SLAIN1: variants seen among roughly 807,000 people sequenced by gnomAD.
SLAIN1 encodes the protein SLAIN family member 1.
SLAIN1 carries 17 observed loss-of-function variants against 55.4 expected under a neutral mutation model. The observed-to-expected ratio is 0.31, with a 90% CI of 0.21 to 0.46. SLAIN1 has a LOEUF of 0.46. SLAIN1 is among the 20% of genes least tolerant of loss of function. The pLI is 1.00. For missense variants in SLAIN1, 682 were observed against 785.1 expected (o/e 0.87, Z 1.57); for synonymous variants, 348 against 337.4 (o/e 1.03, Z -0.35).
At chr13:77,761,543 A>C (rs888237387) in intron 6 of SLAIN1, among the ~76,000 whole-genome samples, 1 of 152,196 alleles carries the variant, frequency 6.6e-6, no homozygotes, top group Non-Finnish European at 1.5e-5. Context: ...AACTATGCCC[A>C]ATACAGGTAG....
In SLAIN1 at chr13:77,707,878, C is replaced by T. The variant is rs190239539; in HGVS notation, c.626+9339C>T. On this transcript the variant is annotated intron_variant, in intron 1 of 6. Transcript: ENST00000418532. Reference sequence around the variant, plus strand: ...GGGCTTCTCTGGATCAGCTTATTCACATAGCAAAGTCTCTGATCTCAGGTT... The same window carrying T: ...GGGCTTCTCTGGATCAGCTTATTCATATAGCAAAGTCTCTGATCTCAGGTT... Among the ~76,000 whole-genome samples the T allele has an allele frequency of 1.3e-3, 197 of 152,292 alleles. 2 individuals are homozygous for T. The Middle Eastern group carries it at 0.02, about 16-fold the overall frequency.
intron 4 of SLAIN1, among the ~76,000 whole-genome samples, chr13:77,747,231 C>T (rs939206024): frequency 2.0e-5 from 3 of 151,962 alleles, no homozygotes; most frequent in Non-Finnish European, 4.4e-5. Context: ...CCACCATACC[C>T]GGCCAAGAAA....
At chr13:77,714,068 C>T (rs1010979827) in intron 1 of SLAIN1, among the ~76,000 whole-genome samples, 3 of 151,982 alleles carry the variant, frequency 2.0e-5, no homozygotes, top group Admixed American at 6.6e-5. Flanking sequence ...AAATGCCTAA[C>T]GTAGATGACA....
intron 2 of SLAIN1, among the ~76,000 whole-genome samples, chr13:77,737,674 C>T (rs1873189743): frequency 6.6e-6 from 1 of 152,090 alleles, no homozygotes; most frequent in South Asian, 2.1e-4. Flanking sequence ...ATAAGCTCCT[C>T]AACCTTCAAG....
At position 77,763,249 on chromosome 13, in the gene SLAIN1, G is replaced by T. The variant is rs761085752; in HGVS notation, c.*29G>T. The T allele has an allele frequency of 4.4e-6, 7 of 1,579,928 alleles. No individual in the cohort carries two copies. The Admixed American group carries it at 1.2e-4, about 27-fold the overall frequency. Reference sequence around the variant, plus strand: ...AGTTTTATGTACCCTTGAAAAATGGGAAAGAAGTAAAAATGAGGGTTGTGT... The same window carrying T: ...AGTTTTATGTACCCTTGAAAAATGGTAAAGAAGTAAAAATGAGGGTTGTGT... On this transcript the variant is annotated 3_prime_UTR_variant, in exon 7 of 7. Coordinates refer to ENST00000418532, the MANE Select transcript of SLAIN1 (RefSeq NM_001242868.2).
chr13:77,715,660 G>A (rs571431926), intron 1 of SLAIN1, among the ~76,000 whole-genome samples: 1 of 152,210 alleles, frequency 6.6e-6, no homozygotes, highest in Admixed American at 6.5e-5. Context: ...TCTCATTGTG[G>A]TTTTAGCTAT....
intron 2 of SLAIN1, among the ~76,000 whole-genome samples, chr13:77,733,679 T>C (rs1872980938): frequency 6.6e-6 from 1 of 152,176 alleles, no homozygotes; most frequent in Non-Finnish European, 1.5e-5. Context: ...ACCCTTCTTA[T>C]GTAAATACAC....
At position 77,746,860 on chromosome 13, in the gene SLAIN1, G is replaced by A; in HGVS notation, c.1258+5G>A. 1 of 1,591,808 alleles carries A rather than the reference G, an allele frequency of 6.3e-7. No individual in the cohort carries two copies. The highest frequency in any genetic ancestry group is 8.6e-7 in the Non-Finnish European group (1 of 1,166,920). ...AACCAAATAGGACCAATGGAGGTAG[G>A]TTGTATGCTTTTTTGGTATTTGATA... On this transcript the variant is annotated splice_donor_5th_base_variant and intron_variant, in intron 4 of 6. Transcript: ENST00000418532.
At chr13:77,757,432 CT>C (rs879582878) in intron 5 of SLAIN1, among the ~76,000 whole-genome samples, 238 of 145,862 alleles carry the variant, frequency 1.6e-3, no homozygotes, top group Non-Finnish European at 1.9e-3. Flanking sequence ...ATCAACATTT[CT>C]TTTTTTTTTT....
chr13:77,713,628 C>T (rs1223937213), intron 1 of SLAIN1, among the ~76,000 whole-genome samples: 9 of 152,146 alleles, frequency 5.9e-5, no homozygotes, highest in Admixed American at 5.9e-4. Context: ...CCTCAAGGAT[C>T]TAGAACCAGA....
In SLAIN1 at chr13:77,697,938, G is replaced by A; in HGVS notation, c.25G>A (p.Ala9Thr). 1 of 1,425,364 alleles carries A rather than the reference G, an allele frequency of 7.0e-7. No individual in the cohort carries two copies. The highest frequency in any genetic ancestry group is 1.3e-5 in the South Asian group (1 of 75,894). The allele number at this position is 1,425,364 out of a possible 1,614,324, so 88.3% of individuals were successfully genotyped here. A position where few individuals can be genotyped will look rare whatever the true frequency, so the allele number is the denominator to read the frequency against. Residue 9 changes from alanine (A) to threonine (T), a missense_variant, in exon 1 of 7, where the codon GCC becomes ACC. Transcript: ENST00000418532. MMAEQVKCASAGVSSGAGS... is the reference protein window; with the variant it reads MMAEQVKCTSAGVSSGAGS... ...GATGATGGCGGAGCAGGTGAAATGC[G>A]CCTCGGCAGGGGTCAGCTCTGGAGC...
At chr13:77,751,172 G>A (rs1046570995) in intron 4 of SLAIN1, among the ~76,000 whole-genome samples, 2 of 152,030 alleles carry the variant, frequency 1.3e-5, no homozygotes, top group Non-Finnish European at 2.9e-5. Flanking sequence ...TCTGATATGT[G>A]CACTTTAGTG....
intron 2 of SLAIN1, chr13:77,741,034 T>C (rs761831105): frequency 5.1e-6 from 2 of 393,706 alleles, no homozygotes; most frequent in Non-Finnish European, 6.9e-6. Context: ...CTTGCTGTCA[T>C]AGCCACAATA....
At chr13:77,715,598 T>C (rs994979170) in intron 1 of SLAIN1, among the ~76,000 whole-genome samples, 7 of 152,180 alleles carry the variant, frequency 4.6e-5, no homozygotes, top group East Asian at 1.9e-4. Flanking sequence ...TCTTAACACT[T>C]GCTATGGGTA....
chr13:77,763,294 C>T lies in SLAIN1; in HGVS notation c.*74C>T. On this transcript the variant is annotated 3_prime_UTR_variant, in exon 7 of 7. Transcript: ENST00000418532. ...TTGTGTTACCTAGCTGGCTGGGTAGCAGTGGATGTTGGGATATTCTTTCCC... is the reference window on the plus strand; with the variant it reads ...TTGTGTTACCTAGCTGGCTGGGTAGTAGTGGATGTTGGGATATTCTTTCCC... The T allele has an allele frequency of 8.7e-7, 1 of 1,155,562 alleles. No homozygotes were observed. Among genetic ancestry groups the T allele is most frequent in the Non-Finnish European group, 1.3e-6 (1 of 771,112 alleles). 71.6% of individuals were successfully genotyped at this position (1,155,562 alleles called of 1,614,324 possible).
In SLAIN1 at chr13:77,698,580, G is replaced by A. The variant is rs1447473397; in HGVS notation, c.626+41G>A. Reference sequence around the variant, plus strand: ...GCTCCTTCCCCGAGACCCTGGCCTCGGGGGCTTCGGGCACCGGGGAGCGGG... The same window carrying A: ...GCTCCTTCCCCGAGACCCTGGCCTCAGGGGCTTCGGGCACCGGGGAGCGGG... On this transcript the variant is annotated intron_variant, in intron 1 of 6. Transcript: ENST00000418532. This position sits in a 1 kb window ranked among gnomAD's most constrained non-coding sequence, Gnocchi z 4.1. 2.9e-6 allele frequency: 4 copies of A among 1,362,886 alleles called. No individual in the cohort carries two copies. The highest frequency in any genetic ancestry group is 3.0e-5 in the African/African-American group (2 of 65,954). The allele number at this position is 1,362,886 out of a possible 1,614,324, so 84.4% of individuals were successfully genotyped here.
Position 77,697,989 on chromosome 13 carries a change from G to A in SLAIN1, c.76G>A (p.Glu26Lys). The change falls in exon 1 of 7, where the codon GAG becomes AAG. Residue 26 changes from glutamate to lysine, a missense_variant. Glu to Lys is a moderately conservative substitution (Grantham distance 56). Coordinates refer to ENST00000418532, the MANE Select transcript of SLAIN1 (RefSeq NM_001242868.2). ...GGGCTCCGGGCCGGTGGTGAACGCG[G>A]AGCTGGAGGTGAAGAAGCTGCAGGA... ...GAGSGPVVNA[E>K]LEVKKLQELV... 6.9e-7 allele frequency: 1 copy of A among 1,444,552 alleles called. No individual in the cohort carries two copies. Among genetic ancestry groups the A allele is most frequent in the Non-Finnish European group, 9.2e-7 (1 of 1,089,390 alleles). The allele number at this position is 1,444,552 out of a possible 1,614,324, so 89.5% of individuals were successfully genotyped here.
At position 77,757,536 on chromosome 13, in the gene SLAIN1, C is replaced by T. The variant is rs552380607; in HGVS notation, c.1415-3292C>T. 9.2e-5 allele frequency among the ~76,000 whole-genome samples: 14 copies of T among 151,764 alleles called. No homozygotes were observed. In the South Asian group the frequency reaches 1.5e-3, roughly 16 times the overall value. On this transcript the variant is annotated intron_variant, in intron 5 of 6. Coordinates refer to ENST00000418532, the MANE Select transcript of SLAIN1 (RefSeq NM_001242868.2). ...TCTGAGATTTTGGTGCACCTGTTAC[C>T]GAAGCAGTGTACACTGTACCCAATA...
At chr13:77,707,078 C>T (rs78044114) in intron 1 of SLAIN1, among the ~76,000 whole-genome samples, 1 of 148,684 alleles carries the variant, frequency 6.7e-6, no homozygotes, top group Non-Finnish European at 1.5e-5. Flanking sequence ...TTTTCTTGCT[C>T]TTTTTTTTTT....
Sources: allele counts gnomAD v4.1 joint callset (sites outside exome capture counted in the v4.1 genomes callset), GRCh38; gene constraint gnomAD v4.1.1; non-coding constraint Gnocchi (gnomAD v3.1); transcripts MANE v1.5; gene names NCBI Gene and HGNC (gene_info 2026-07-23, HGNC 2026-07-21).